Variants in NELL2 observed in about 807,000 individuals in gnomAD.
NELL2 encodes neural EGFL like 2, also known as protein kinase C-binding protein NELL2.
NELL2 carries 41 observed loss-of-function variants against 109.6 expected under a neutral mutation model. That is an observed-to-expected ratio of 0.37 (90% CI 0.29 to 0.49). NELL2 has a LOEUF of 0.49. Ranked by LOEUF, NELL2 falls within the 20% of genes least tolerant of loss-of-function variation. NELL2 has a pLI of 0.98. For synonymous variants in NELL2, 355 were observed against 344.7 expected (o/e 1.03, Z -0.33); for missense variants, 900 against 1,008.3 (o/e 0.89, Z 1.45).
chr12:44,563,010 T>G (rs1943525705), intron 15 of NELL2, among the ~76,000 whole-genome samples: 1 of 152,166 alleles, frequency 6.6e-6, no homozygotes, highest in Admixed American at 6.5e-5. Context: ...GTTCCTGTCC[T>G]TTGCAGGGAC....
chr12:44,576,831 T>G (rs1466378354), intron 15 of NELL2, among the ~76,000 whole-genome samples: 2 of 151,710 alleles, frequency 1.3e-5, no homozygotes, highest in Non-Finnish European at 2.9e-5. Context: ...TTACTGAGAA[T>G]GATGATTTCC....
At chr12:44,554,136 T>C (rs1252164715) in intron 15 of NELL2, among the ~76,000 whole-genome samples, 1 of 152,150 alleles carries the variant, frequency 6.6e-6, no homozygotes, top group Admixed American at 6.5e-5. Flanking sequence ...ACTTGAGCTA[T>C]AAAATAATGT....
intron 2 of NELL2, among the ~76,000 whole-genome samples, chr12:44,838,868 G>C (rs536709541): frequency 2.6e-5 from 4 of 152,268 alleles, no homozygotes; most frequent in East Asian, 1.9e-4. Flanking sequence ...TCAATATGCA[G>C]ACCATCAGCT....
chr12:44,693,830 GA>G (rs1223344480), intron 12 of NELL2, among the ~76,000 whole-genome samples: 3 of 152,126 alleles, frequency 2.0e-5, no homozygotes, highest in Non-Finnish European at 4.4e-5. Flanking sequence ...TGATTCTCAT[GA>G]AAAAATAAAT....
chr12:44,526,259 T>C (rs1941768903), intron 16 of NELL2, among the ~76,000 whole-genome samples: 1 of 152,196 alleles, frequency 6.6e-6, no homozygotes, highest in Non-Finnish European at 1.5e-5. Flanking sequence ...AATAACTGTT[T>C]CCTTGGTTCA....
chr12:44,798,787 G>C (rs1762310294), intron 3 of NELL2, among the ~76,000 whole-genome samples: 1 of 151,990 alleles, frequency 6.6e-6, no homozygotes, highest in African/African-American at 2.4e-5. Flanking sequence ...GACTAATGGA[G>C]CTGTATAGAT....
At chr12:44,787,469 AAGGACATTT>A (rs1942221651) in intron 3 of NELL2, among the ~76,000 whole-genome samples, 1 of 152,220 alleles carries the variant, frequency 6.6e-6, no homozygotes, top group Non-Finnish European at 1.5e-5. Context: ...ATTTATATGG[AAGGACATTT>A]AGGCTATTCA....
intron 3 of NELL2, among the ~76,000 whole-genome samples, chr12:44,800,322 G>A (rs1174757769): frequency 5.3e-5 from 8 of 152,180 alleles, no homozygotes; most frequent in Non-Finnish European, 1.0e-4. Flanking sequence ...GGAATTTGGC[G>A]ATATCTTAAA....
intron 9 of NELL2, among the ~76,000 whole-genome samples, chr12:44,723,469 G>A (rs1414705197): frequency 6.6e-6 from 1 of 152,034 alleles, no homozygotes. Flanking sequence ...AATCATATAC[G>A]ACAATAAATA....
At position 44,869,626 on chromosome 12, in the gene NELL2, T is replaced by C. The variant is rs1945106375; in HGVS notation, c.184+5599A>G. On this transcript the variant is annotated intron_variant, in intron 2 of 19. Transcript: ENST00000429094. ...AAAAGGCTCCTCCATAGATATTTCT[T>C]GGATAATTCCATCTCTATTTGTGAC... Among the ~76,000 whole-genome samples, 3 of 152,202 alleles carry C rather than the reference T, an allele frequency of 2.0e-5. No individual in the cohort carries two copies. The South Asian group carries it at 6.2e-4, about 31-fold the overall frequency.
At position 44,714,721 on chromosome 12, in the gene NELL2, G is replaced by A. The variant is rs1435146157; in HGVS notation, c.1015C>T (p.Arg339Ter). The change falls in exon 10 of 20, where the codon CGA (arginine) becomes TGA (stop). Residue 339 changes from arginine to a stop codon, truncating the protein, a stop_gained. Transcript: ENST00000429094. LOFTEE classifies it high-confidence loss of function. ...TTTCTTTCTCCTTCAAAGTAGGTTCGTCCTTGAAATTGGCATATCGCTTTG... is the reference window on the plus strand; with the variant it reads ...TTTCTTTCTCCTTCAAAGTAGGTTCATCCTTGAAATTGGCATATCGCTTTG... ...ECKSICQFQG[R>*]TYFEGERNTV... 5 of 1,600,034 alleles carry A rather than the reference G, an allele frequency of 3.1e-6. No homozygotes were observed. Among genetic ancestry groups the A allele is most frequent in the African/African-American group, 2.7e-5 (2 of 74,186 alleles).
intron 13 of NELL2, among the ~76,000 whole-genome samples, chr12:44,620,766 T>C (rs1946028968): frequency 6.6e-6 from 1 of 152,140 alleles, no homozygotes; most frequent in Admixed American, 6.5e-5. Flanking sequence ...CTCCCATCTC[T>C]ATCCCCATTG....
intron 9 of NELL2, among the ~76,000 whole-genome samples, chr12:44,745,126 C>A (rs1193093825): frequency 2.0e-5 from 3 of 152,160 alleles, no homozygotes; most frequent in Non-Finnish European, 4.4e-5. Flanking sequence ...GGCTTCATCC[C>A]TGGGATGCAA....
chr12:44,700,499 C>T (rs541052868), intron 12 of NELL2, among the ~76,000 whole-genome samples: 3 of 152,218 alleles, frequency 2.0e-5, no homozygotes, highest in Admixed American at 1.3e-4. Flanking sequence ...ACTGGCCTTC[C>T]TTTGGTTCTT....
intron 19 of NELL2, among the ~76,000 whole-genome samples, chr12:44,519,682 C>T (rs1353547469): frequency 6.6e-6 from 1 of 152,046 alleles, no homozygotes; most frequent in African/African-American, 2.4e-5. Context: ...AAAGAAGAAA[C>T]ATGAGGTTTG....
intron 9 of NELL2, among the ~76,000 whole-genome samples, chr12:44,722,506 T>C (rs1345255884): frequency 6.6e-6 from 1 of 152,134 alleles, no homozygotes; most frequent in Non-Finnish European, 1.5e-5. Context: ...TAGTAGAAAG[T>C]CATCTTCCCT....
chr12:44,779,964 C>T lies in NELL2; in HGVS notation c.394G>A (p.Gly132Ser). The part of the protein sequence containing the change: ...RNEVRLHYRS[G>S]SHRPHTEVFP... ...ACTTCTGTGTGAGGGCGGTGACTGCCTGAGCGGTAATGCAGTCTGACTTCA... is the reference window on the plus strand; with the variant it reads ...ACTTCTGTGTGAGGGCGGTGACTGCTTGAGCGGTAATGCAGTCTGACTTCA... The change falls in exon 4 of 20, where the codon GGC becomes AGC. Residue 132 changes from glycine (G) to serine (S), a missense_variant. Transcript: ENST00000429094. 1 of 1,613,920 alleles carries T rather than the reference C, an allele frequency of 6.2e-7. No individual in the cohort carries two copies.
Position 44,709,312 on chromosome 12 carries a change from TAAG to T in NELL2, c.1189+1977_1189+1979del, listed in dbSNP as rs1938061696. On this transcript the variant is annotated intron_variant, in intron 11 of 19. Transcript: ENST00000429094. ...GTATTTGAAGGCCTGAGTCACCACT[TAAG>T]AAGTCTGATGATTACCCTGCTGGAG... 2.0e-5 allele frequency among the ~76,000 whole-genome samples: 3 copies of T among 152,256 alleles called. No individual in the cohort carries two copies. The South Asian group carries it at 6.2e-4, about 32-fold the overall frequency.
chr12:44,654,830 A>G (rs1413365738), intron 13 of NELL2, among the ~76,000 whole-genome samples: 1 of 152,160 alleles, frequency 6.6e-6, no homozygotes, highest in East Asian at 1.9e-4. Context: ...CACCCACTGC[A>G]AGATTAGATC....
Sources: gnomAD v4.1 joint callset for allele counts (sites outside exome capture counted in the v4.1 genomes callset) on GRCh38, gnomAD v4.1.1 for gene constraint, MANE v1.5 for transcripts, NCBI Gene and HGNC (gene_info 2026-07-23, HGNC 2026-07-21) for gene names.